DLG1: variants seen among roughly 807,000 people sequenced by gnomAD.
The protein encoded by DLG1 is disks large homolog 1.
A neutral mutation model predicts 123.4 loss-of-function variants in DLG1; 42 were observed. That is an observed-to-expected ratio of 0.34 (90% CI 0.27 to 0.44). The LOEUF (loss-of-function observed/expected upper bound fraction) is 0.44, where lower values mean the gene tolerates loss of function less well. DLG1 is among the 20% of genes least tolerant of loss of function. The pLI, the probability that DLG1 is intolerant of heterozygous loss-of-function variation, is 1.00. For missense variants in DLG1, 942 were observed against 1,082.6 expected, an observed-to-expected ratio of 0.87 and a Z score of 1.82; for synonymous variants, 317 against 356.2, an observed-to-expected ratio of 0.89 and a Z score of 1.24.
intron 4 of DLG1, among the ~76,000 whole-genome samples, chr3:197,248,212 T>C (rs1164865697): frequency 6.6e-6 from 1 of 152,228 alleles, no homozygotes; most frequent in Non-Finnish European, 1.5e-5. Context: ...GCCCCCTGGC[T>C]TTTCTTACTT....
chr3:197,232,979 G>C (rs1414931217), intron 4 of DLG1, among the ~76,000 whole-genome samples: 2 of 152,080 alleles, frequency 1.3e-5, no homozygotes, highest in Admixed American at 6.5e-5. Context: ...AACTGTACTG[G>C]ACATTCTAAC....
chr3:197,124,728 C>G lies in DLG1; in HGVS notation c.1166-5198G>C, dbSNP rs74842829. On this transcript the variant is annotated intron_variant, in intron 11 of 24. Coordinates refer to ENST00000667157, the MANE Select transcript of DLG1 (RefSeq NM_001366207.1). ...AATAATTGGGACCACAGGCACGCAC[C>G]ATTGTGCCTGGCTTTTTTCCTTTTT... 1.1e-4 allele frequency among the ~76,000 whole-genome samples: 16 copies of G among 152,216 alleles called. No homozygotes were observed. In the East Asian group the frequency reaches 3.1e-3, roughly 29 times the overall value.
At chr3:197,203,439 T>G (rs1726880328) in intron 4 of DLG1, among the ~76,000 whole-genome samples, 1 of 152,106 alleles carries the variant, frequency 6.6e-6, no homozygotes, top group Non-Finnish European at 1.5e-5. Flanking sequence ...ATTCTAAAAT[T>G]TATCTAATAG....
chr3:197,109,112 G>A (rs1768293999), intron 13 of DLG1, among the ~76,000 whole-genome samples: 1 of 152,152 alleles, frequency 6.6e-6, no homozygotes, highest in African/African-American at 2.4e-5. Context: ...AGTGACTCAG[G>A]TGGCTCAGGC....
chr3:197,296,241 A>T, intron 3 of DLG1, 105 bp downstream of exon 3: 1 of 1,114,434 alleles, frequency 9.0e-7, no homozygotes, highest in Non-Finnish European at 1.3e-6. Flanking sequence ...AAGTTACCGA[A>T]TGCCTCAGAG....
intron 4 of DLG1, among the ~76,000 whole-genome samples, chr3:197,209,874 C>T (rs1730429146): frequency 6.8e-6 from 1 of 146,504 alleles, no homozygotes; most frequent in Non-Finnish European, 1.5e-5. Flanking sequence ...CCTCCAAACC[C>T]TTGGAATGTC....
chr3:197,185,369 CA>C (rs1715276706), intron 5 of DLG1, among the ~76,000 whole-genome samples: 1 of 152,154 alleles, frequency 6.6e-6, no homozygotes, highest in Admixed American at 6.5e-5. Context: ...GAGAAGTGAA[CA>C]TGTGCTCAGT....
At chr3:197,241,124 CAA>C (rs1748629609) in intron 4 of DLG1, among the ~76,000 whole-genome samples, 1 of 151,780 alleles carries the variant, frequency 6.6e-6, no homozygotes, top group East Asian at 1.9e-4. Flanking sequence ...AAGTCAAAGA[CAA>C]AGAGAGGATC....
chr3:197,129,035 T>C (rs1781199037), intron 11 of DLG1, among the ~76,000 whole-genome samples: 3 of 152,220 alleles, frequency 2.0e-5, no homozygotes, highest in Non-Finnish European at 4.4e-5. Context: ...AAATGGGCAT[T>C]GGCTTCAACT....
chr3:197,284,664 AATT>A (rs1351477006), intron 3 of DLG1, among the ~76,000 whole-genome samples: 2 of 152,198 alleles, frequency 1.3e-5, no homozygotes, highest in African/African-American at 4.8e-5. Context: ...CCCTGCGAAA[AATT>A]ATTTTCTTTG....
intron 5 of DLG1, among the ~76,000 whole-genome samples, chr3:197,193,824 C>A (rs1720951866): frequency 7.0e-6 from 1 of 143,728 alleles, no homozygotes; most frequent in Admixed American, 7.0e-5. Context: ...TGTTAATGCT[C>A]TTTTTTTTTT....
At chr3:197,114,289 CAA>C (rs943095518) in intron 13 of DLG1, among the ~76,000 whole-genome samples, 15 of 152,260 alleles carry the variant, frequency 9.9e-5, no homozygotes, top group African/African-American at 3.4e-4. Context: ...TAGACATCGA[CAA>C]AGTTTCACAT....
At chr3:197,130,781 A>C (rs962813587) in intron 10 of DLG1, 110 bp from the exon 11 acceptor site, 3 of 832,048 alleles carry the variant, frequency 3.6e-6, no homozygotes, top group Non-Finnish European at 5.4e-6. Context: ...AGGAAAATAA[A>C]GGTATGCCGA....
Position 197,157,048 on chromosome 3 carries a change from C to T in DLG1, c.484-7252G>A, listed in dbSNP as rs556538317. On this transcript the variant is annotated intron_variant, in intron 5 of 24. Coordinates refer to ENST00000667157, the MANE Select transcript of DLG1 (RefSeq NM_001366207.1). Reference sequence around the variant, plus strand: ...TAAGAAAAACCATATACAAAACACACACAGTGAACATCATACTCAGTGGTG... The same window carrying T: ...TAAGAAAAACCATATACAAAACACATACAGTGAACATCATACTCAGTGGTG... 4.6e-5 allele frequency among the ~76,000 whole-genome samples: 7 copies of T among 152,276 alleles called. No individual in the cohort carries two copies. In the South Asian group the frequency reaches 1.0e-3, roughly 23 times the overall value.
chr3:197,083,235 T>C (rs887866867), intron 16 of DLG1, among the ~76,000 whole-genome samples: 1 of 152,150 alleles, frequency 6.6e-6, no homozygotes, highest in African/African-American at 2.4e-5. Flanking sequence ...ATAATATTAC[T>C]TTTCAACTTC....
chr3:197,168,931 C>A (rs1240767408), intron 5 of DLG1, among the ~76,000 whole-genome samples: 1 of 152,146 alleles, frequency 6.6e-6, no homozygotes, highest in Non-Finnish European at 1.5e-5. Context: ...TAAATTTCTA[C>A]AAAATTGGAT....
chr3:197,167,856 G>T (rs1802189865), intron 5 of DLG1, among the ~76,000 whole-genome samples: 1 of 152,058 alleles, frequency 6.6e-6, no homozygotes, highest in African/African-American at 2.4e-5. Flanking sequence ...TTTTGTTTTG[G>T]TTTGGTTCTT....
intron 5 of DLG1, among the ~76,000 whole-genome samples, chr3:197,173,503 A>T (rs1218827791): frequency 6.6e-6 from 1 of 152,188 alleles, no homozygotes; most frequent in African/African-American, 2.4e-5. Context: ...AATCCAGGTC[A>T]TCATCCTCTA....
intron 5 of DLG1, among the ~76,000 whole-genome samples, chr3:197,192,858 CAA>C (rs1164787250): frequency 6.6e-6 from 1 of 151,594 alleles, no homozygotes; most frequent in African/African-American, 2.4e-5. Flanking sequence ...TGACGGAAAA[CAA>C]AGAGTCTGAA....
Sources: allele counts gnomAD v4.1 joint callset (sites outside exome capture counted in the v4.1 genomes callset), GRCh38; gene constraint gnomAD v4.1.1; transcripts MANE v1.5; gene names NCBI Gene and HGNC (gene_info 2026-07-23, HGNC 2026-07-21).